Variants in SMCHD1 observed in about 807,000 individuals in gnomAD.
SMCHD1 encodes structural maintenance of chromosomes flexible hinge domain-containing protein 1.
In SMCHD1, 78 loss-of-function variants were observed where a neutral mutation model predicts 254.7. The observed-to-expected ratio is 0.31, with a 90% CI of 0.26 to 0.37. SMCHD1 has a LOEUF of 0.37. Ranked by LOEUF, SMCHD1 falls within the 10% of genes least tolerant of loss-of-function variation. The probability of loss-of-function intolerance (pLI) is 1.00; values close to 1 mark genes in which losing one functional copy is unlikely to be tolerated. For synonymous variants in SMCHD1, 766 were observed against 794.9 expected, an observed-to-expected ratio of 0.96 and a Z score of 0.61; for missense variants, 1,840 against 2,408.1, an observed-to-expected ratio of 0.76 and a Z score of 4.94.
intron 36 of SMCHD1, among the ~76,000 whole-genome samples, chr18:2,763,028 A>G (rs1344868312): frequency 6.6e-6 from 1 of 152,218 alleles, no homozygotes. Flanking sequence ...ATTAACAAAA[A>G]CATGTAAAAC....
At chr18:2,737,104 A>G (rs1345135549) in intron 25 of SMCHD1, among the ~76,000 whole-genome samples, 1 of 152,212 alleles carries the variant, frequency 6.6e-6, no homozygotes, top group African/African-American at 2.4e-5. Context: ...CCATTATCCT[A>G]AGTGAATTAA....
intron 45 of SMCHD1, among the ~76,000 whole-genome samples, chr18:2,788,329 T>C (rs1031176571): frequency 2.6e-5 from 4 of 152,220 alleles, no homozygotes; most frequent in Non-Finnish European, 4.4e-5. Context: ...GGTTGTCACA[T>C]GAATGATCGT....
intron 1 of SMCHD1, among the ~76,000 whole-genome samples, chr18:2,659,032 A>G (rs2073166632): frequency 6.6e-6 from 1 of 152,200 alleles, no homozygotes; most frequent in Non-Finnish European, 1.5e-5. Flanking sequence ...ACAAAATAAT[A>G]TACTAAAGTT....
chr18:2,739,666 T>G, intron 27 of SMCHD1, 146 bp downstream of exon 27: 1 of 610,828 alleles, frequency 1.6e-6, no homozygotes, highest in African/African-American at 1.9e-5. Context: ...CAGATAAGAT[T>G]GAAGTATTTT....
chr18:2,657,194 A>G (rs954014328), intron 1 of SMCHD1, among the ~76,000 whole-genome samples: 2 of 152,218 alleles, frequency 1.3e-5, no homozygotes, highest in East Asian at 1.9e-4. Flanking sequence ...TCTAGACCAT[A>G]TAACTGTATG....
chr18:2,665,654 A>G (rs1167930753), intron 1 of SMCHD1, among the ~76,000 whole-genome samples: 1 of 152,160 alleles, frequency 6.6e-6, no homozygotes, highest in Non-Finnish European at 1.5e-5. Context: ...TTTAATTTTT[A>G]AAGTTATTCG....
chr18:2,659,487 C>T (rs1464021490), intron 1 of SMCHD1, among the ~76,000 whole-genome samples: 2 of 152,182 alleles, frequency 1.3e-5, no homozygotes, highest in Non-Finnish European at 2.9e-5. Context: ...GACAAATCTG[C>T]AAGAAGCCCT....
rs1409928249 is a variant in SMCHD1, at chr18:2,763,768, G to C, written c.4698G>C (p.Val1566=). 2 of 1,608,060 alleles carry C rather than the reference G, an allele frequency of 1.2e-6. No homozygotes were observed. Among genetic ancestry groups the C allele is most frequent in the East Asian group, 4.5e-5 (2 of 44,642 alleles). The change falls in exon 37 of 48, where the codon GTG becomes GTC. Residue 1566 remains valine (V), a synonymous_variant. Coordinates refer to ENST00000320876, the MANE Select transcript of SMCHD1 (RefSeq NM_015295.3). ...TTAGAACACTTGAATTCCCCTTCGT[G>C]AATGGTTCGGCTGAAATCATGGTAA... is the stretch of plus-strand genomic sequence containing the variant. The part of the protein sequence containing the change: ...GKVRTLEFPF[V]NGSAEIMSLV...
At chr18:2,684,875 A>C (rs928909185) in intron 5 of SMCHD1, among the ~76,000 whole-genome samples, 4 of 152,096 alleles carry the variant, frequency 2.6e-5, no homozygotes, top group Admixed American at 6.6e-5. Context: ...ACATCACAAC[A>C]GTATACTTCC....
intron 45 of SMCHD1, among the ~76,000 whole-genome samples, chr18:2,794,736 A>G (rs2076227860): frequency 6.6e-6 from 1 of 152,242 alleles, no homozygotes; most frequent in South Asian, 2.1e-4. Flanking sequence ...CATACAGGCA[A>G]GCATCATGAA....
intron 13 of SMCHD1, among the ~76,000 whole-genome samples, chr18:2,704,433 A>G (rs2074469638): frequency 6.6e-6 from 1 of 152,104 alleles, no homozygotes; most frequent in Middle Eastern, 3.4e-3. Flanking sequence ...GCACCTTTTG[A>G]CTGTGTGGTG....
At chr18:2,661,848 C>CA (rs1568066853) in intron 1 of SMCHD1, among the ~76,000 whole-genome samples, 1 of 151,846 alleles carries the variant, frequency 6.6e-6, no homozygotes, top group African/African-American at 2.4e-5. Context: ...GAAGAGTACT[C>CA]AAAAAAATCT....
chr18:2,676,318 GA>G (rs1318710747), intron 5 of SMCHD1, among the ~76,000 whole-genome samples: 2 of 152,134 alleles, frequency 1.3e-5, no homozygotes, highest in Non-Finnish European at 2.9e-5. Context: ...TGGATTGCTA[GA>G]AAAAAAATGT....
chr18:2,674,800 C>T (rs689104), intron 5 of SMCHD1, among the ~76,000 whole-genome samples: 26,807 of 152,166 alleles, frequency 0.18, 5,817 homozygotes, highest in African/African-American at 0.52. Flanking sequence ...GTCATTCTTA[C>T]TAAATAGTTG....
chr18:2,736,043 A>T (rs1170174323), intron 25 of SMCHD1, among the ~76,000 whole-genome samples: 2 of 152,244 alleles, frequency 1.3e-5, no homozygotes, highest in Non-Finnish European at 2.9e-5. Flanking sequence ...ACAGCATGCT[A>T]CTGGTACAAA....
Position 2,753,033 on chromosome 18 carries a change from C to T in SMCHD1, c.4346+481C>T, listed in dbSNP as rs561626470. 3.0e-5 allele frequency: 5 copies of T among 164,362 alleles called. No individual in the cohort carries two copies. In the South Asian group the frequency reaches 8.6e-4, roughly 28 times the overall value. 10.2% of individuals were successfully genotyped at this position (164,362 alleles called of 1,614,324 possible). ...TTTTTCAGACTAATTGGTAAAGGAC[C>T]AATCATGGAAGCTCCACCCCTTACC... On this transcript the variant is annotated intron_variant, in intron 34 of 47. Transcript: ENST00000320876.
intron 34 of SMCHD1, among the ~76,000 whole-genome samples, chr18:2,756,650 C>T (rs1374861464): frequency 6.6e-6 from 1 of 152,054 alleles, no homozygotes; most frequent in Non-Finnish European, 1.5e-5. Flanking sequence ...GGCTGGAGTG[C>T]AGTGGCATGA....
chr18:2,777,065 C>A lies in SMCHD1; in HGVS notation c.5367-741C>A, dbSNP rs540135368. On this transcript the variant is annotated intron_variant, in intron 42 of 47. Transcript: ENST00000320876. ...ACTAGAGGCATGCACCACCACCTCC[C>A]CCCCCCATACCCTAATACTTTTTGT... Among the ~76,000 whole-genome samples, 11 of 146,606 alleles carry A rather than the reference C, an allele frequency of 7.5e-5. No individual in the cohort carries two copies. In the East Asian group the frequency reaches 2.3e-3, roughly 30 times the overall value.
chr18:2,799,330 C>T (rs2076318134), intron 47 of SMCHD1, among the ~76,000 whole-genome samples: 1 of 152,056 alleles, frequency 6.6e-6, no homozygotes. Context: ...AGCTACGTTG[C>T]AAGTACTCTG....
Sources: gnomAD v4.1 joint callset for allele counts (sites outside exome capture counted in the v4.1 genomes callset) on GRCh38, gnomAD v4.1.1 for gene constraint, MANE v1.5 for transcripts, NCBI Gene and HGNC (gene_info 2026-07-23, HGNC 2026-07-21) for gene names.